The following STK32C variants were observed in gnomAD, a reference collection of about 807,000 sequenced individuals.
STK32C encodes serine/threonine kinase 32C.
In STK32C, 31 loss-of-function variants were observed where a neutral mutation model predicts 56.5. The observed-to-expected ratio is 0.55, with a 90% CI of 0.41 to 0.74. STK32C has a LOEUF of 0.74. STK32C is among the 30% of genes least tolerant of loss of function. The probability of loss-of-function intolerance (pLI) is 0.00; values close to 1 mark genes in which losing one functional copy is unlikely to be tolerated. For synonymous variants in STK32C, 309 were observed against 289.4 expected (o/e 1.07, Z -0.69); for missense variants, 544 against 676.9 (o/e 0.80, Z 2.18).
intron 1 of STK32C, among the ~76,000 whole-genome samples, chr10:132,302,359 A>C (rs1203037999): frequency 6.6e-6 from 1 of 152,270 alleles, no homozygotes; most frequent in Admixed American, 6.5e-5. Context: ...TTACATAAAA[A>C]GTATGACAGT....
At chr10:132,326,455 C>T (rs2066501128) in intron 1 of STK32C, among the ~76,000 whole-genome samples, 1 of 152,128 alleles carries the variant, frequency 6.6e-6, no homozygotes, top group Non-Finnish European at 1.5e-5. Context: ...CCTCAGACTC[C>T]CAGGTGGTTG....
intron 10 of STK32C, among the ~76,000 whole-genome samples, chr10:132,221,441 C>G (rs897353624): frequency 4.1e-5 from 6 of 145,530 alleles, no homozygotes; most frequent in Non-Finnish European, 7.5e-5. Context: ...CGTGGCCATC[C>G]CTGCACACAC....
At chr10:132,284,157 C>T (rs1171980412) in intron 1 of STK32C, among the ~76,000 whole-genome samples, 15 of 151,752 alleles carry the variant, frequency 9.9e-5, no homozygotes, top group African/African-American at 3.4e-4. Flanking sequence ...AGACGCCGAC[C>T]ACAAGCCCCG....
intron 1 of STK32C, among the ~76,000 whole-genome samples, chr10:132,252,089 G>A (rs888794565): frequency 3.3e-5 from 5 of 152,252 alleles, no homozygotes; most frequent in East Asian, 3.8e-4. Context: ...CCTCAGGGCT[G>A]GACTTTGGCA....
intron 1 of STK32C, among the ~76,000 whole-genome samples, chr10:132,271,879 A>G (rs2138162243): frequency 6.6e-6 from 1 of 152,294 alleles, no homozygotes; most frequent in South Asian, 2.1e-4. Flanking sequence ...GCCCCTTCCC[A>G]GGCAGCACTG....
At chr10:132,260,198 C>A (rs1405916687) in intron 1 of STK32C, among the ~76,000 whole-genome samples, 1 of 152,218 alleles carries the variant, frequency 6.6e-6, no homozygotes, top group Non-Finnish European at 1.5e-5. Flanking sequence ...GTCCTCCCAG[C>A]CACGTTGTCA....
exon 2 of STK32C, chr10:132,324,164 G>C: frequency 1.3e-6 from 1 of 754,250 alleles, no homozygotes; most frequent in Non-Finnish European, 2.5e-6. Context: ...CTGGGGATGA[G>C]TCTGAGTCTC....
In STK32C at chr10:132,215,519, G is replaced by A. The variant is rs187573564; in HGVS notation, c.1252-6418C>T. On this transcript the variant is annotated intron_variant, in intron 10 of 11. Transcript: ENST00000298630. ...TAAAAACAAAAGTTTCCCTGCACAAGCTCTCTCTGCCATCCATGTAAGATG... is the reference window on the plus strand; with the variant it reads ...TAAAAACAAAAGTTTCCCTGCACAAACTCTCTCTGCCATCCATGTAAGATG... Among the ~76,000 whole-genome samples, 20 of 152,020 alleles carry A rather than the reference G, an allele frequency of 1.3e-4. 1 individual carries two copies. In the East Asian group the frequency reaches 3.9e-3, roughly 30 times the overall value.
At chr10:132,311,067 A>G (rs2066210637), upstream of STK32C, among the ~76,000 whole-genome samples, 1 of 152,070 alleles carries the variant, frequency 6.6e-6, no homozygotes, top group Non-Finnish European at 1.5e-5. The surrounding 1 kb of genome is among the most constrained non-coding windows in gnomAD (Gnocchi z 4.4). Context: ...CTTCATGTGC[A>G]TTTGTTCATA....
intron 1 of STK32C, among the ~76,000 whole-genome samples, chr10:132,266,105 G>A (rs1307003854): frequency 6.6e-6 from 1 of 152,190 alleles, no homozygotes; most frequent in African/African-American, 2.4e-5. Context: ...AATGAATAAA[G>A]AAATTATGTT....
intron 1 of STK32C, among the ~76,000 whole-genome samples, chr10:132,281,898 G>T (rs183698699): frequency 5.7e-4 from 83 of 145,792 alleles, no homozygotes; most frequent in Non-Finnish European, 1.1e-3. Context: ...AGGATGGTGG[G>T]GTCTGGGGGG....
chr10:132,301,426 C>T (rs1439464211), intron 1 of STK32C, among the ~76,000 whole-genome samples: 1 of 152,156 alleles, frequency 6.6e-6, no homozygotes, highest in Non-Finnish European at 1.5e-5. Flanking sequence ...CCTGCAGGGC[C>T]TGGCCTGGAA....
intron 1 of STK32C, among the ~76,000 whole-genome samples, chr10:132,327,937 AGAGT>A (rs1437396185): frequency 6.6e-6 from 1 of 152,112 alleles, no homozygotes; most frequent in Non-Finnish European, 1.5e-5. Flanking sequence ...CTGTCCCTGA[AGAGT>A]GAGGGGGCAG....
At chr10:132,269,873 G>C (rs955748226) in intron 1 of STK32C, among the ~76,000 whole-genome samples, 10 of 152,194 alleles carry the variant, frequency 6.6e-5, no homozygotes, top group African/African-American at 2.2e-4. Flanking sequence ...AGCCTGCCAC[G>C]GCCATAATAG....
intron 1 of STK32C, among the ~76,000 whole-genome samples, chr10:132,275,196 C>T (rs778726115): frequency 1.3e-5 from 2 of 152,224 alleles, no homozygotes; most frequent in Non-Finnish European, 2.9e-5. Context: ...TCCGGCATCC[C>T]CGTACCCGTG....
downstream of STK32C, among the ~76,000 whole-genome samples, chr10:132,320,340 C>T (rs556742257): frequency 3.5e-4 from 53 of 151,938 alleles, no homozygotes; most frequent in African/African-American, 1.2e-3. Flanking sequence ...AAGAGTCTAG[C>T]GTGACCTGAC....
At chr10:132,220,996 G>A (rs1178244795) in intron 10 of STK32C, among the ~76,000 whole-genome samples, 1 of 152,260 alleles carries the variant, frequency 6.6e-6, no homozygotes, top group Non-Finnish European at 1.5e-5. Context: ...ACAGCCGGCT[G>A]TGAAGGAGAC....
chr10:132,307,732 G>A lies in STK32C; in HGVS notation c.102C>T (p.Ala34=). The part of the protein sequence containing the change: ...ARPAGSDAPS[A]LPPPAAGQPR... ...GCTGGCCAGCAGCGGGCGGCGGCAGGGCCGAGGGCGCGTCGGAGCCGGCGG... is the reference window on the plus strand; with the variant it reads ...GCTGGCCAGCAGCGGGCGGCGGCAGAGCCGAGGGCGCGTCGGAGCCGGCGG... Residue 34 remains alanine (A), a synonymous_variant, in exon 1 of 12, where the codon GCC becomes GCT. Coordinates refer to ENST00000298630, the MANE Select transcript of STK32C (RefSeq NM_173575.4). The surrounding 1 kb of genome is among the most constrained non-coding windows in gnomAD (Gnocchi z 4.4). 8.6e-7 allele frequency: 1 copy of A among 1,156,668 alleles called. No homozygotes were observed. Among genetic ancestry groups the A allele is most frequent in the Non-Finnish European group, 1.1e-6 (1 of 937,108 alleles). 71.7% of individuals were successfully genotyped at this position (1,156,668 alleles called of 1,614,324 possible). A position where few individuals can be genotyped will look rare whatever the true frequency, so the allele number is the denominator to read the frequency against.
Position 132,307,738 on chromosome 10 carries a change from G to C in STK32C, c.96C>G (p.Pro32=), listed in dbSNP as rs539415759. ...CAGCAGCGGGCGGCGGCAGGGCCGAGGGCGCGTCGGAGCCGGCGGGGCGCG... is the reference window on the plus strand; with the variant it reads ...CAGCAGCGGGCGGCGGCAGGGCCGACGGCGCGTCGGAGCCGGCGGGGCGCG... ...GRARPAGSDA[P]SALPPPAAGQ... The change falls in exon 1 of 12, where the codon CCC becomes CCG. Residue 32 remains proline, a synonymous_variant. Transcript: ENST00000298630. The surrounding 1 kb of genome is among the most constrained non-coding windows in gnomAD (Gnocchi z 4.4). 4.3e-5 allele frequency: 48 copies of C among 1,115,996 alleles called. No individual in the cohort carries two copies. In the African/African-American group the frequency reaches 6.6e-4, roughly 15 times the overall value. The allele number at this position is 1,115,996 out of a possible 1,614,324, so 69.1% of individuals were successfully genotyped here.
Sources: allele counts gnomAD v4.1 joint callset (sites outside exome capture counted in the v4.1 genomes callset), GRCh38; gene constraint gnomAD v4.1.1; non-coding constraint Gnocchi (gnomAD v3.1); transcripts MANE v1.5; gene names NCBI Gene and HGNC (gene_info 2026-07-23, HGNC 2026-07-21).